RABGAP1: variants seen among roughly 807,000 people sequenced by gnomAD.
The protein encoded by RABGAP1 is RAB GTPase activating protein 1.
In RABGAP1, 23 loss-of-function variants were observed where a neutral mutation model predicts 137.6. The observed-to-expected ratio is 0.17, with a 90% CI of 0.12 to 0.24. The LOEUF (loss-of-function observed/expected upper bound fraction) is 0.24, where lower values mean the gene tolerates loss of function less well. Among genes scored for constraint, RABGAP1 ranks in the 10% least tolerant of loss-of-function variants. RABGAP1 has a pLI of 1.00. For missense variants in RABGAP1, 906 were observed against 1,275.8 expected (o/e 0.71, Z 4.42); for synonymous variants, 451 against 450.7 (o/e 1.00, Z -0.01).
At chr9:123,099,675 C>A in intron 24 of RABGAP1, 126 bp downstream of exon 24, 1 of 739,070 alleles carries the variant, frequency 1.4e-6, no homozygotes, top group Non-Finnish European at 2.3e-6. Context: ...GCACCTGTCA[C>A]AGGTCCTGGC....
At position 122,989,388 on chromosome 9, in the gene RABGAP1, A is replaced by T. The variant is rs1388180290; in HGVS notation, c.682A>T (p.Ser228Cys). 2 of 1,614,052 alleles carry T rather than the reference A, an allele frequency of 1.2e-6. No homozygotes were observed. Among genetic ancestry groups the T allele is most frequent in the Middle Eastern group, 3.3e-4 (2 of 6,060 alleles). Residue 228 changes from serine (S) to cysteine (C), a missense_variant, in exon 5 of 26, where the codon AGT becomes TGT. Transcript: ENST00000373647. ...CAGAGGGCATGATGGAACTCCTGAG[A>T]GTGACTGTTTTGCTTTCACTGAAAG... Reference protein sequence around the residue: ...CVRGHDGTPESDCFAFTESHY... With the variant: ...CVRGHDGTPECDCFAFTESHY...
At chr9:122,955,114 A>G (rs1179444981) in intron 1 of RABGAP1, among the ~76,000 whole-genome samples, 1 of 152,168 alleles carries the variant, frequency 6.6e-6, no homozygotes, top group Non-Finnish European at 1.5e-5. Context: ...GGAGTTGATC[A>G]AGTACAAAAG....
At chr9:122,979,553 G>A (rs894268908) in intron 2 of RABGAP1, among the ~76,000 whole-genome samples, 2 of 152,146 alleles carry the variant, frequency 1.3e-5, no homozygotes, top group African/African-American at 4.8e-5. Flanking sequence ...AGATCAAAAA[G>A]ATTTCTCCTG....
At chr9:123,004,640 G>T (rs2131848996) in intron 10 of RABGAP1, among the ~76,000 whole-genome samples, 1 of 152,162 alleles carries the variant, frequency 6.6e-6, no homozygotes, top group African/African-American at 2.4e-5. Flanking sequence ...TGATTCAGTT[G>T]AGTTCATTCA....
upstream of RABGAP1, chr9:122,939,354 T>C (rs1174858560): frequency 1.3e-5 from 2 of 152,110 alleles, 1 homozygote; most frequent in Non-Finnish European, 2.9e-5. Flanking sequence ...CATTAAAACA[T>C]AGAGACACGG....
intron 13 of RABGAP1, among the ~76,000 whole-genome samples, chr9:123,058,352 A>G (rs1011623645): frequency 6.6e-6 from 1 of 152,198 alleles, no homozygotes; most frequent in African/African-American, 2.4e-5. Context: ...TAAAATCTAC[A>G]CTCATTTTAT....
At chr9:122,968,767 A>G (rs1048118215) in intron 2 of RABGAP1, among the ~76,000 whole-genome samples, 1 of 151,928 alleles carries the variant, frequency 6.6e-6, no homozygotes, top group Non-Finnish European at 1.5e-5. Context: ...GGTGTGTGCC[A>G]CCACACCTGG....
At chr9:123,057,681 C>T (rs922895687) in intron 13 of RABGAP1, among the ~76,000 whole-genome samples, 1 of 152,218 alleles carries the variant, frequency 6.6e-6, no homozygotes, top group South Asian at 2.1e-4. Flanking sequence ...AATCTCGGCA[C>T]TTTGGGGGGC....
Position 123,103,403 on chromosome 9 carries a change from T to C in RABGAP1, c.*190T>C. 2 of 776,280 alleles carry C rather than the reference T, an allele frequency of 2.6e-6. No homozygotes were observed. Among genetic ancestry groups the C allele is most frequent in the Non-Finnish European group, 3.9e-6 (2 of 515,932 alleles). The allele number at this position is 776,280 out of a possible 1,614,324, so 48.1% of individuals were successfully genotyped here. ...ACCTCTGGGGTAAGACTACTGATAC[T>C]AACAGGCCTGCTAGCTCAGCCGACG... On this transcript the variant is annotated 3_prime_UTR_variant, in exon 26 of 26. Coordinates refer to ENST00000373647, the MANE Select transcript of RABGAP1 (RefSeq NM_012197.4).
intron 13 of RABGAP1, among the ~76,000 whole-genome samples, chr9:123,022,691 C>T (rs983654660): frequency 1.3e-5 from 2 of 152,060 alleles, no homozygotes; most frequent in Non-Finnish European, 2.9e-5. Context: ...AAGTGTGAGC[C>T]ACCGCGCCCG....
In RABGAP1 at chr9:123,104,450, A is replaced by G. The variant is rs966179670; in HGVS notation, c.*1237A>G. ...AAAAAAACTTTGACTTTTAATTTAT[A>G]TAGTGATATGCTGACAGGCTGACAC... On this transcript the variant is annotated 3_prime_UTR_variant, in exon 26 of 26. Coordinates refer to ENST00000373647, the MANE Select transcript of RABGAP1 (RefSeq NM_012197.4). The G allele has an allele frequency of 2.6e-5, 4 of 152,168 alleles. No homozygotes were observed. The highest frequency in any genetic ancestry group is 4.4e-5 in the Non-Finnish European group (3 of 67,982). The allele number at this position is 152,168 out of a possible 1,614,324, so 9.4% of individuals were successfully genotyped here. A position where few individuals can be genotyped will look rare whatever the true frequency, so the allele number is the denominator to read the frequency against.
intron 19 of RABGAP1, 32 bp from the exon 20 acceptor site, chr9:123,089,726 C>T (rs2034979950): frequency 6.4e-7 from 1 of 1,573,556 alleles, no homozygotes; most frequent in African/African-American, 1.4e-5. Context: ...CTTTCTAATA[C>T]TTCTTAATTT....
At chr9:123,025,269 C>A (rs1300237850) in intron 13 of RABGAP1, among the ~76,000 whole-genome samples, 1 of 152,034 alleles carries the variant, frequency 6.6e-6, no homozygotes, top group Non-Finnish European at 1.5e-5. Flanking sequence ...TATTCCTGTC[C>A]CCACACTGTT....
At chr9:122,960,263 G>C (rs1471197682) in intron 2 of RABGAP1, among the ~76,000 whole-genome samples, 1 of 152,198 alleles carries the variant, frequency 6.6e-6, no homozygotes, top group African/African-American at 2.4e-5. Context: ...ACCCAAGTTT[G>C]ATTGACTTAG....
intron 10 of RABGAP1, among the ~76,000 whole-genome samples, chr9:123,002,359 T>C (rs1786619991): frequency 3.3e-5 from 1 of 30,344 alleles, no homozygotes; most frequent in Non-Finnish European, 6.8e-5. Flanking sequence ...ATTTTTATTA[T>C]ATATATATAT....
rs1291100848 is a variant in RABGAP1 at position 123,070,478 on chromosome 9, C to G, written c.1983+54C>G. On this transcript the variant is annotated intron_variant, in intron 15 of 25. Coordinates refer to ENST00000373647, the MANE Select transcript of RABGAP1 (RefSeq NM_012197.4). This position sits in a 1 kb window ranked among gnomAD's most constrained non-coding sequence, Gnocchi z 4.4. ...AACACATGGCCTCCCTCAGCTTATA[C>G]TAACCTTAGGCTTGAGCATGGTTTT... The G allele has an allele frequency of 6.2e-7, 1 of 1,612,702 alleles. No homozygotes were observed. The highest frequency in any genetic ancestry group is 1.1e-5 in the South Asian group (1 of 90,872).
At position 122,998,582 on chromosome 9, in the gene RABGAP1, T is replaced by G. The variant is rs763638684; in HGVS notation, c.1205-15T>G. The G allele has an allele frequency of 1.6e-5, 24 of 1,519,838 alleles. No individual in the cohort carries two copies. Among genetic ancestry groups the G allele is most frequent in the Non-Finnish European group, 2.1e-5 (23 of 1,118,362 alleles). 94.1% of individuals were successfully genotyped at this position (1,519,838 alleles called of 1,614,324 possible). On this transcript the variant is annotated splice_polypyrimidine_tract_variant and intron_variant, in intron 9 of 25. Transcript: ENST00000373647. ...TTCTGATTTACCTCTTCAGCCTCTC[T>G]CTTTCTTTGTTTAGATAAAGTCCTG...
chr9:123,040,620 A>G (rs886337512), intron 13 of RABGAP1, among the ~76,000 whole-genome samples: 5 of 152,072 alleles, frequency 3.3e-5, no homozygotes, highest in Non-Finnish European at 7.4e-5. Flanking sequence ...GGTGCTTTTT[A>G]TATCCCCAGC....
intron 10 of RABGAP1, among the ~76,000 whole-genome samples, chr9:123,000,298 T>C (rs925646702): frequency 6.6e-6 from 1 of 152,150 alleles, no homozygotes; most frequent in Non-Finnish European, 1.5e-5. Flanking sequence ...AACTTCATAC[T>C]CTGTCTTTTT....
Sources: gnomAD v4.1 joint callset for allele counts (sites outside exome capture counted in the v4.1 genomes callset) on GRCh38, gnomAD v4.1.1 for gene constraint, Gnocchi (gnomAD v3.1) non-coding constraint, MANE v1.5 for transcripts, NCBI Gene and HGNC (gene_info 2026-07-23, HGNC 2026-07-21) for gene names.